The following DLG2 variants were observed in gnomAD, a reference collection of about 807,000 sequenced individuals.
DLG2 encodes the protein disks large homolog 2.
DLG2 carries 45 observed loss-of-function variants against 132.5 expected under a neutral mutation model. That is an observed-to-expected ratio of 0.34 (90% confidence interval 0.27 to 0.44). The LOEUF is 0.44. DLG2 is among the 20% of genes least tolerant of loss of function. DLG2 has a pLI of 1.00. For missense variants in DLG2, 1,045 were observed against 1,196.9 expected (o/e 0.87, Z 1.87); for synonymous variants, 424 against 419.6 (o/e 1.01, Z -0.13).
At chr11:84,989,528 A>G (rs2056862786) in intron 6 of DLG2, among the ~76,000 whole-genome samples, 2 of 152,184 alleles carry the variant, frequency 1.3e-5, no homozygotes, top group African/African-American at 2.4e-5. Context: ...GGAAAACTCA[A>G]CATAGCACAT....
chr11:84,099,291 G>A (rs181375478), intron 9 of DLG2, among the ~76,000 whole-genome samples: 7 of 152,132 alleles, frequency 4.6e-5, no homozygotes, highest in African/African-American at 1.7e-4. Flanking sequence ...CCTTTATGCA[G>A]CAATTAAAAT....
At chr11:83,594,043 A>G (rs2097241310) in intron 19 of DLG2, among the ~76,000 whole-genome samples, 1 of 152,236 alleles carries the variant, frequency 6.6e-6, no homozygotes, top group African/African-American at 2.4e-5. Flanking sequence ...AGGCCCTTAG[A>G]TTTGCTTAGC....
At chr11:84,858,186 C>A (rs575085966) in intron 6 of DLG2, among the ~76,000 whole-genome samples, 1 of 152,200 alleles carries the variant, frequency 6.6e-6, no homozygotes, top group East Asian at 1.9e-4. Flanking sequence ...AGCCACCATG[C>A]CCAGCTAACC....
chr11:84,333,651 A>T (rs2098471130), intron 7 of DLG2, among the ~76,000 whole-genome samples: 1 of 152,350 alleles, frequency 6.6e-6, no homozygotes, highest in African/African-American at 2.4e-5. Flanking sequence ...AGTATTCACA[A>T]TAAAACAGCT....
chr11:84,448,048 C>G (rs1272107703), intron 7 of DLG2, among the ~76,000 whole-genome samples: 1 of 152,002 alleles, frequency 6.6e-6, no homozygotes, highest in Non-Finnish European at 1.5e-5. Context: ...CTAAAGATGC[C>G]TAATTTAATA....
intron 19 of DLG2, among the ~76,000 whole-genome samples, chr11:83,575,276 A>C (rs1269792869): frequency 2.6e-5 from 4 of 152,198 alleles, no homozygotes; most frequent in Non-Finnish European, 5.9e-5. Flanking sequence ...AATCTTTAGT[A>C]GATGGGAAAC....
At chr11:83,844,580 G>C (rs1037223077) in intron 16 of DLG2, among the ~76,000 whole-genome samples, 1 of 145,346 alleles carries the variant, frequency 6.9e-6, no homozygotes, top group Non-Finnish European at 1.5e-5. Context: ...AGGGCCTGGG[G>C]AACTAATCAA....
At chr11:85,033,036 G>C (rs1425490586) in intron 6 of DLG2, among the ~76,000 whole-genome samples, 3 of 152,144 alleles carry the variant, frequency 2.0e-5, no homozygotes, top group Non-Finnish European at 1.5e-5. Flanking sequence ...ACTCAGTCTT[G>C]CAAAATGCAA....
intron 6 of DLG2, among the ~76,000 whole-genome samples, chr11:84,592,473 T>C (rs1332469470): frequency 6.6e-6 from 1 of 152,128 alleles, no homozygotes; most frequent in Non-Finnish European, 1.5e-5. Context: ...AAATGGGATC[T>C]AATTAAACCA....
chr11:83,520,627 A>G lies in DLG2; in HGVS notation c.2193+12081T>C, dbSNP rs545086727. Among the ~76,000 whole-genome samples, 92 of 147,378 alleles carry G rather than the reference A, an allele frequency of 6.2e-4. 1 individual carries two copies. Among genetic ancestry groups the G allele is most frequent in the African/African-American group, 2.1e-3 (78 of 37,650 alleles). On this transcript the variant is annotated intron_variant, in intron 21 of 27. Transcript: ENST00000376104. ...GAAAGACAGACAGACAGGTAGGTAG[A>G]TAGGTAGGTAGGTAGATAGATAGAT... is the stretch of plus-strand genomic sequence containing the variant.
intron 6 of DLG2, among the ~76,000 whole-genome samples, chr11:84,591,435 G>A (rs866112154): frequency 6.6e-5 from 10 of 151,846 alleles, no homozygotes; most frequent in Non-Finnish European, 2.9e-5. Context: ...GGGAGGCAGA[G>A]GTGAGAGGAT....
intron 3 of DLG2, among the ~76,000 whole-genome samples, chr11:85,472,281 T>C (rs2093008554): frequency 6.6e-6 from 1 of 152,108 alleles, no homozygotes. Flanking sequence ...CCTCAGGTCC[T>C]CTCAACTGAG....
At chr11:84,956,951 A>G (rs2051759783) in intron 6 of DLG2, among the ~76,000 whole-genome samples, 1 of 152,228 alleles carries the variant, frequency 6.6e-6, no homozygotes. Flanking sequence ...AGGAAATAAG[A>G]AATATTTTCA....
chr11:83,812,337 C>T (rs1202603158), intron 17 of DLG2, among the ~76,000 whole-genome samples: 3 of 152,050 alleles, frequency 2.0e-5, no homozygotes, highest in Non-Finnish European at 4.4e-5. Flanking sequence ...AATAGATGGG[C>T]TAAGAAATAT....
intron 6 of DLG2, among the ~76,000 whole-genome samples, chr11:84,815,402 G>A (rs1308553950): frequency 2.0e-5 from 3 of 151,970 alleles, no homozygotes; most frequent in African/African-American, 7.2e-5. Context: ...GTAATATCTG[G>A]CTTACATAAT....
chr11:84,917,184 C>T (rs189222333), intron 6 of DLG2, among the ~76,000 whole-genome samples: 198 of 152,150 alleles, frequency 1.3e-3, no homozygotes, highest in African/African-American at 4.6e-3. Context: ...GTGCCTGACC[C>T]GTAATAGGTA....
intron 11 of DLG2, among the ~76,000 whole-genome samples, chr11:83,991,534 C>CT (rs1001563037): frequency 6.6e-6 from 1 of 151,644 alleles, no homozygotes; most frequent in African/African-American, 2.4e-5. Flanking sequence ...TTTCTTTTTT[C>CT]TTTTTTTCTC....
chr11:85,556,163 G>A (rs1389495581), intron 3 of DLG2, among the ~76,000 whole-genome samples: 2 of 151,746 alleles, frequency 1.3e-5, no homozygotes, highest in African/African-American at 4.8e-5. Context: ...CTAATACAAT[G>A]TTCTAGGAAT....
intron 6 of DLG2, among the ~76,000 whole-genome samples, chr11:84,733,103 G>T (rs2153813939): frequency 6.6e-6 from 1 of 152,200 alleles, no homozygotes; most frequent in Non-Finnish European, 1.5e-5. Context: ...ATAAACATAT[G>T]TGTGCATGTG....
Sources: gnomAD v4.1 joint callset for allele counts (sites outside exome capture counted in the v4.1 genomes callset) on GRCh38, gnomAD v4.1.1 for gene constraint, MANE v1.5 for transcripts, NCBI Gene and HGNC (gene_info 2026-07-23, HGNC 2026-07-21) for gene names.